STOML3: variants seen among roughly 807,000 people sequenced by gnomAD.
STOML3 encodes stomatin-like protein 3.
STOML3 carries 31 observed loss-of-function variants against 29.5 expected under a neutral mutation model. The observed-to-expected ratio is 1.05, with a 90% CI of 0.79 to 1.42. STOML3 has a LOEUF of 1.42. STOML3 is among the 40% of genes most tolerant of loss of function. The pLI is 0.00. For missense variants in STOML3, 380 were observed against 363.0 expected, an observed-to-expected ratio of 1.05 and a Z score of -0.38; for synonymous variants, 122 against 139.8, an observed-to-expected ratio of 0.87 and a Z score of 0.90.
chr13:38,987,686 A>G (rs1466461145), intron 1 of STOML3, among the ~76,000 whole-genome samples: 1 of 137,272 alleles, frequency 7.3e-6, no homozygotes, highest in Non-Finnish European at 1.5e-5. Flanking sequence ...TATATTATAT[A>G]TACTAATTAT....
Position 38,970,272 on chromosome 13 carries a change from C to G in STOML3, c.429G>C (p.Leu143=), listed in dbSNP as rs1172053319. The change falls in exon 5 of 7, where the codon CTG becomes CTC. Residue 143 remains leucine, a synonymous_variant. Transcript: ENST00000379631. ...AGACATTTCTCAGAGTGGTTTGAGC[C>G]AGCAGAAATGTTGCTTGATGGACAT... ...VNDVHQATFL[L]AQTTLRNVLG... is the part of the protein sequence containing the mutation. 1 of 1,614,156 alleles carries G rather than the reference C, an allele frequency of 6.2e-7. No individual in the cohort carries two copies. Among genetic ancestry groups the G allele is most frequent in the African/African-American group, 1.3e-5 (1 of 75,032 alleles).
chr13:38,979,074 A>G (rs1347888068), intron 1 of STOML3, among the ~76,000 whole-genome samples: 1 of 152,228 alleles, frequency 6.6e-6, no homozygotes, highest in East Asian at 1.9e-4. Flanking sequence ...CATTTTAGAT[A>G]CATATTTTGT....
intron 1 of STOML3, among the ~76,000 whole-genome samples, chr13:38,978,614 T>C (rs1881175514): frequency 6.6e-6 from 1 of 152,188 alleles, no homozygotes; most frequent in Non-Finnish European, 1.5e-5. Flanking sequence ...CGCCATATAC[T>C]GTCTATCTCA....
chr13:38,969,839 C>A (rs1880795580), intron 5 of STOML3, among the ~76,000 whole-genome samples: 1 of 152,190 alleles, frequency 6.6e-6, no homozygotes, highest in Admixed American at 6.5e-5. Context: ...TGAGAAATGG[C>A]TGCACTTCTG....
rs573500520 is a variant in STOML3, at chr13:38,975,060, T to G, written c.229+1480A>C. On this transcript the variant is annotated intron_variant, in intron 3 of 6. Coordinates refer to ENST00000379631, the MANE Select transcript of STOML3 (RefSeq NM_145286.3). ...TACTTGAAATGGCTGCTGGGCGTGG[T>G]GGCTCATGCTTGTAATCCCAGCACT... Among the ~76,000 whole-genome samples the G allele has an allele frequency of 2.1e-4, 32 of 152,222 alleles. 1 individual carries two copies. The East Asian group carries it at 5.8e-3, about 28-fold the overall frequency.
chr13:38,974,945 C>T (rs1420483795), intron 3 of STOML3, among the ~76,000 whole-genome samples: 1 of 152,162 alleles, frequency 6.6e-6, no homozygotes, highest in Non-Finnish European at 1.5e-5. Flanking sequence ...AGTTGAATGA[C>T]TCTTGCTTTG....
At chr13:38,984,194 C>A (rs537867633) in intron 1 of STOML3, among the ~76,000 whole-genome samples, 1 of 152,174 alleles carries the variant, frequency 6.6e-6, no homozygotes, top group South Asian at 2.1e-4. Flanking sequence ...TCTAGGTGAT[C>A]CAGATGAAGG....
intron 1 of STOML3, among the ~76,000 whole-genome samples, chr13:38,980,879 A>G (rs1881246636): frequency 6.6e-6 from 1 of 152,230 alleles, no homozygotes; most frequent in Non-Finnish European, 1.5e-5. Flanking sequence ...CAATAGAAAC[A>G]ACAGATACTA....
Position 38,966,774 on chromosome 13 carries a change from A to G in STOML3, c.*51T>C, listed in dbSNP as rs1324825650. Reference sequence around the variant, plus strand: ...ACCGTTTCTAACTACTGGCTTCTCCATAGGAATAGACACCACTCTCTATGC... The same window carrying G: ...ACCGTTTCTAACTACTGGCTTCTCCGTAGGAATAGACACCACTCTCTATGC... On this transcript the variant is annotated 3_prime_UTR_variant, in exon 7 of 7. Coordinates refer to ENST00000379631, the MANE Select transcript of STOML3 (RefSeq NM_145286.3). 4 of 1,482,370 alleles carry G rather than the reference A, an allele frequency of 2.7e-6. No individual in the cohort carries two copies. Among genetic ancestry groups the G allele is most frequent in the East Asian group, 4.5e-5 (2 of 44,124 alleles). 91.8% of individuals were successfully genotyped at this position (1,482,370 alleles called of 1,614,324 possible).
At chr13:38,974,668 A>G (rs1485973684) in intron 3 of STOML3, among the ~76,000 whole-genome samples, 2 of 152,184 alleles carry the variant, frequency 1.3e-5, no homozygotes, top group Non-Finnish European at 2.9e-5. Flanking sequence ...TTCCATTAGC[A>G]ATTTGGCTTG....
At chr13:38,984,955 G>A (rs1249095332) in intron 1 of STOML3, among the ~76,000 whole-genome samples, 1 of 152,148 alleles carries the variant, frequency 6.6e-6, no homozygotes, top group Non-Finnish European at 1.5e-5. Flanking sequence ...TGAGGGTGAT[G>A]TTCAGCAACA....
At chr13:38,983,287 C>A (rs907761315) in intron 1 of STOML3, among the ~76,000 whole-genome samples, 1 of 152,198 alleles carries the variant, frequency 6.6e-6, no homozygotes, top group Admixed American at 6.5e-5. Context: ...CCCTACCACC[C>A]CTTGCTTCAG....
At chr13:38,970,904 T>A (rs989490289) in intron 4 of STOML3, among the ~76,000 whole-genome samples, 3 of 152,162 alleles carry the variant, frequency 2.0e-5, no homozygotes, top group Non-Finnish European at 1.5e-5. Context: ...TGTGACAGGA[T>A]GTTTTGGAGC....
chr13:38,976,097 GA>G (rs1881065287), intron 3 of STOML3, among the ~76,000 whole-genome samples: 1 of 152,174 alleles, frequency 6.6e-6, no homozygotes, highest in Non-Finnish European at 1.5e-5. Flanking sequence ...GCCATGAGAG[GA>G]AATTACCTTT....
At chr13:38,987,970 T>C (rs1371331832) in intron 1 of STOML3, among the ~76,000 whole-genome samples, 1 of 58,602 alleles carries the variant, frequency 1.7e-5, no homozygotes, top group East Asian at 5.6e-4. Context: ...ATATAATATA[T>C]TATATGTTAT....
intron 4 of STOML3, among the ~76,000 whole-genome samples, chr13:38,972,043 A>G (rs1309907716): frequency 6.6e-6 from 1 of 152,224 alleles, no homozygotes; most frequent in East Asian, 1.9e-4. Context: ...CAAACACAGA[A>G]ATAATTTAAA....
chr13:38,967,785 G>C (rs1880711186), intron 6 of STOML3, among the ~76,000 whole-genome samples: 1 of 152,162 alleles, frequency 6.6e-6, no homozygotes, highest in African/African-American at 2.4e-5. Flanking sequence ...GATACACAAA[G>C]GCTTGGGATC....
chr13:38,979,433 C>T (rs1165318674), intron 1 of STOML3, among the ~76,000 whole-genome samples: 11 of 151,986 alleles, frequency 7.2e-5, no homozygotes, highest in Non-Finnish European at 8.8e-5. Context: ...CTGTAGTTAC[C>T]GGTTTGGTGT....
Position 38,968,343 on chromosome 13 carries a change from T to G in STOML3, c.651+57A>C. 1.9e-6 allele frequency: 3 copies of G among 1,590,280 alleles called. No individual in the cohort carries two copies. The East Asian group carries it at 6.8e-5, about 36-fold the overall frequency. On this transcript the variant is annotated intron_variant, in intron 6 of 6. Transcript: ENST00000379631. ...CCAATCTTCTGTTCAAGTCCTATCC[T>G]TGTTGGCCCCAACACTAGGCAGTTC...
Sources: gnomAD v4.1 joint callset for allele counts (sites outside exome capture counted in the v4.1 genomes callset) on GRCh38, gnomAD v4.1.1 for gene constraint, MANE v1.5 for transcripts, NCBI Gene and HGNC (gene_info 2026-07-23, HGNC 2026-07-21) for gene names.